Variants in PAM observed in about 807,000 individuals in gnomAD.
The protein encoded by PAM is peptidyl-glycine alpha-amidating monooxygenase.
Under a neutral mutation model 122.1 loss-of-function variants are expected in PAM, and 72 were observed. The observed-to-expected ratio is 0.59, with a 90% CI of 0.49 to 0.72. PAM has a LOEUF of 0.72. PAM is among the 30% of genes least tolerant of loss of function. PAM has a pLI of 0.00. For missense variants in PAM, 1,106 were observed against 1,183.7 expected (o/e 0.93, Z 0.96); for synonymous variants, 389 against 404.4 (o/e 0.96, Z 0.46).
chr5:102,979,427 A>G (rs1331122228), intron 15 of PAM, among the ~76,000 whole-genome samples: 1 of 152,164 alleles, frequency 6.6e-6, no homozygotes, highest in African/African-American at 2.4e-5. Flanking sequence ...TTTCTGATGA[A>G]TAACAATCCC....
At chr5:102,882,813 GT>G (rs983276054) in intron 3 of PAM, among the ~76,000 whole-genome samples, 3 of 151,906 alleles carry the variant, frequency 2.0e-5, no homozygotes, top group Non-Finnish European at 4.4e-5. Flanking sequence ...GTCTAGAAGG[GT>G]TTTTTCAATG....
rs36068804 is a variant in PAM, at chr5:102,801,772, ATTTTTTTT to A, written c.-374+46441_-374+46448del. Reference sequence around the variant, plus strand: ...CTTATTTGTATCCTAGGGAAAAGGTATTTTTTTTTTTTTTTTTTTTTTTTGAGACGGAG... The same window carrying A: ...CTTATTTGTATCCTAGGGAAAAGGTATTTTTTTTTTTTTTTTGAGACGGAG... On this transcript the variant is annotated intron_variant, in intron 1 of 25. Transcript: ENST00000438793. Among the ~76,000 whole-genome samples the A allele has an allele frequency of 8.9e-3, 881 of 98,992 alleles. 2 individuals are homozygous for A. Among genetic ancestry groups the A allele is most frequent in the African/African-American group, 0.035 (840 of 24,142 alleles). The allele number at this position is 98,992 out of a possible 152,430, so 64.9% of individuals were successfully genotyped here. A position where few individuals can be genotyped will look rare whatever the true frequency, so the allele number is the denominator to read the frequency against.
chr5:103,023,753 A>G (rs1261064351), intron 23 of PAM, among the ~76,000 whole-genome samples: 1 of 152,090 alleles, frequency 6.6e-6, no homozygotes, highest in Non-Finnish European at 1.5e-5. Flanking sequence ...AATGGTGATG[A>G]TAATAATAGT....
chr5:102,945,920 C>T (rs138312942), intron 7 of PAM, among the ~76,000 whole-genome samples: 129 of 152,174 alleles, frequency 8.5e-4, no homozygotes, highest in African/African-American at 2.9e-3. Flanking sequence ...GAATTGAAAT[C>T]AATTAATTCT....
Position 102,961,216 on chromosome 5 carries a change from A to C in PAM, c.1149A>C (p.Glu383Asp). Reference protein sequence around the residue: ...LLQQPKREEEEVLDQGDFYSL... With the variant: ...LLQQPKREEEDVLDQGDFYSL... ...AGCAGCCAAAACGAGAAGAAGAAGA[A>C]GTGTTAGACCAGGGTATGTATGCTT... Residue 383 changes from glutamate (E) to aspartate (D), a missense_variant, in exon 14 of 26, where the codon GAA becomes GAC. Glu to Asp is a conservative substitution (Grantham distance 45). Coordinates refer to ENST00000438793, the MANE Select transcript of PAM (RefSeq NM_001177306.2). 6.4e-7 allele frequency: 1 copy of C among 1,561,748 alleles called. No individual in the cohort carries two copies. Among genetic ancestry groups the C allele is most frequent in the Non-Finnish European group, 8.8e-7 (1 of 1,133,026 alleles).
In PAM at chr5:102,961,229, G is replaced by T; in HGVS notation, c.1162G>T (p.Gly388Cys). Reference protein sequence around the residue: ...KREEEEVLDQGDFYSLLSKLL... With the variant: ...KREEEEVLDQCDFYSLLSKLL... ...AGAAGAAGAAGAAGTGTTAGACCAG[G>T]GTATGTATGCTTATTTCTATAACTA... The change falls in exon 14 of 26, where the codon GGT becomes TGT. Residue 388 changes from glycine (G) to cysteine (C), a missense_variant and splice_region_variant. Gly to Cys is a radical substitution (Grantham distance 159). Transcript: ENST00000438793. The T allele has an allele frequency of 6.6e-7, 1 of 1,519,304 alleles. No individual in the cohort carries two copies. Among genetic ancestry groups the T allele is most frequent in the Non-Finnish European group, 9.1e-7 (1 of 1,094,970 alleles). The allele number at this position is 1,519,304 out of a possible 1,614,324, so 94.1% of individuals were successfully genotyped here.
At chr5:102,871,534 A>G (rs952350763) in intron 3 of PAM, among the ~76,000 whole-genome samples, 11 of 151,836 alleles carry the variant, frequency 7.2e-5, no homozygotes, top group Non-Finnish European at 5.9e-5. Context: ...TTAAGTATTC[A>G]TAAGTAGTTG....
In PAM at chr5:103,003,127, C is replaced by T; in HGVS notation, c.1708C>T (p.Leu570Phe). The T allele has an allele frequency of 1.9e-6, 3 of 1,544,048 alleles. No homozygotes were observed. Among genetic ancestry groups the T allele is most frequent in the East Asian group, 4.5e-5 (2 of 44,528 alleles). ...LVIDPNNAAV[L>F]QSSGKNLFYL... ...CATAGATCCAAATAATGCTGCAGTACTCCAGTCCAGTGGAAAAAATCTGTG... is the reference window on the plus strand; with the variant it reads ...CATAGATCCAAATAATGCTGCAGTATTCCAGTCCAGTGGAAAAAATCTGTG... Residue 570 changes from leucine (L) to phenylalanine (F), a missense_variant, in exon 17 of 26, where the codon CTC (leucine) becomes TTC (phenylalanine). By Grantham distance (22) the Leu-to-Phe change is conservative (BLOSUM62 0). Coordinates refer to ENST00000438793, the MANE Select transcript of PAM (RefSeq NM_001177306.2).
intron 3 of PAM, among the ~76,000 whole-genome samples, chr5:102,889,878 TACA>T (rs1207376421): frequency 3.3e-5 from 5 of 151,918 alleles, no homozygotes; most frequent in Non-Finnish European, 1.5e-5. Context: ...TTTTAGTCCT[TACA>T]ACAAGGCTTA....
chr5:102,891,457 A>G (rs997245722), intron 3 of PAM, among the ~76,000 whole-genome samples: 2 of 151,882 alleles, frequency 1.3e-5, no homozygotes, highest in Admixed American at 6.6e-5. Context: ...GTTTAAGGGA[A>G]ATGAATAGGT....
At chr5:102,887,211 G>C (rs1446836548) in intron 3 of PAM, among the ~76,000 whole-genome samples, 2 of 152,004 alleles carry the variant, frequency 1.3e-5, no homozygotes, top group Admixed American at 1.3e-4. Flanking sequence ...CTCATGAATA[G>C]ATTAATGCCC....
Position 103,029,077 on chromosome 5 carries a change from T to G in PAM, c.*12T>G, listed in dbSNP as rs1352715546. 29 of 1,594,688 alleles carry G rather than the reference T, an allele frequency of 1.8e-5. No homozygotes were observed. Among genetic ancestry groups the G allele is most frequent in the Non-Finnish European group, 2.4e-5 (28 of 1,171,666 alleles). On this transcript the variant is annotated 3_prime_UTR_variant, in exon 26 of 26. Coordinates refer to ENST00000438793, the MANE Select transcript of PAM (RefSeq NM_001177306.2). ...CTTCCTCCTCCTGAAAACCAAGCTT[T>G]GATTTAGATTGAGTAAGATTTACCC...
chr5:103,025,390 T>A, intron 24 of PAM, 56 bp downstream of exon 24: 1 of 1,371,134 alleles, frequency 7.3e-7, no homozygotes, highest in Non-Finnish European at 1.0e-6. Flanking sequence ...GTGTTTGGCC[T>A]AATTATCCTC....
At chr5:102,820,571 G>A (rs774520324) in intron 1 of PAM, among the ~76,000 whole-genome samples, 40 of 152,210 alleles carry the variant, frequency 2.6e-4, no homozygotes, top group Non-Finnish European at 4.7e-4. Flanking sequence ...AAGAAAAAAA[G>A]ATAACTATTT....
At chr5:102,988,340 T>C (rs1381516559) in intron 15 of PAM, among the ~76,000 whole-genome samples, 1 of 152,064 alleles carries the variant, frequency 6.6e-6, no homozygotes, top group Non-Finnish European at 1.5e-5. Flanking sequence ...ATCCCAGCCC[T>C]ATCCTTGGGA....
chr5:102,932,887 G>A (rs1416884494), intron 7 of PAM, among the ~76,000 whole-genome samples: 2 of 152,012 alleles, frequency 1.3e-5, no homozygotes, highest in Non-Finnish European at 2.9e-5. Flanking sequence ...GTTTTTCCAT[G>A]TAACTGGGCT....
chr5:102,982,740 C>T (rs1562127085), intron 15 of PAM, among the ~76,000 whole-genome samples: 2 of 152,192 alleles, frequency 1.3e-5, no homozygotes, highest in East Asian at 3.9e-4. Flanking sequence ...CCTTATGAAA[C>T]CCAATCTATA....
intron 1 of PAM, among the ~76,000 whole-genome samples, chr5:102,850,326 C>G (rs1399116009): frequency 6.6e-6 from 1 of 152,232 alleles, no homozygotes; most frequent in African/African-American, 2.4e-5. Context: ...AATTCATATT[C>G]TGTCTTCTCT....
At chr5:102,895,646 T>A (rs1054196344) in intron 3 of PAM, among the ~76,000 whole-genome samples, 1 of 151,736 alleles carries the variant, frequency 6.6e-6, no homozygotes, top group African/African-American at 2.4e-5. Context: ...GAGAATAGAA[T>A]GCAACTTTGG....
Sources: allele counts gnomAD v4.1 joint callset (sites outside exome capture counted in the v4.1 genomes callset), GRCh38; gene constraint gnomAD v4.1.1; transcripts MANE v1.5; gene names NCBI Gene and HGNC (gene_info 2026-07-23, HGNC 2026-07-21).